ADRA1B: variants seen among roughly 807,000 people sequenced by gnomAD.
ADRA1B encodes adrenoceptor alpha 1B, also known as alpha-1B adrenergic receptor.
A neutral mutation model predicts 17.9 loss-of-function variants in ADRA1B; 17 were observed. That is an observed-to-expected ratio of 0.95 (90% CI 0.65 to 1.42). ADRA1B has a LOEUF of 1.42. Among genes scored for constraint, ADRA1B ranks in the 40% most tolerant of loss-of-function variants. The pLI, the probability that ADRA1B is intolerant of heterozygous loss-of-function variation, is 0.00. For synonymous variants in ADRA1B, 366 were observed against 327.6 expected (o/e 1.12, Z -1.27); for missense variants, 681 against 722.1 (o/e 0.94, Z 0.65).
intron 1 of ADRA1B, among the ~76,000 whole-genome samples, chr5:159,918,975 A>G (rs1462759158): frequency 2.0e-5 from 3 of 152,174 alleles, no homozygotes; most frequent in Non-Finnish European, 4.4e-5. Context: ...TATGCCTGCA[A>G]TCACACCGGA....
the ADRA1B span, among the ~76,000 whole-genome samples, chr5:159,984,770 A>C: frequency 6.6e-6 from 1 of 151,616 alleles, no homozygotes; most frequent in Non-Finnish European, 1.5e-5. Context: ...TTAGCCAGGC[A>C]TGGTGGCGAG....
At chr5:159,883,279 C>A (rs1176625019) in intron 1 of ADRA1B, among the ~76,000 whole-genome samples, 1 of 152,192 alleles carries the variant, frequency 6.6e-6, no homozygotes, top group Non-Finnish European at 1.5e-5. Context: ...TGCAGTCTGG[C>A]ACGATGATTC....
intron 1 of ADRA1B, among the ~76,000 whole-genome samples, chr5:159,874,971 T>C (rs1753787714): frequency 6.6e-6 from 1 of 152,136 alleles, no homozygotes; most frequent in Non-Finnish European, 1.5e-5. Flanking sequence ...TGAGAATTCG[T>C]GCTCCTAGAC....
intron 1 of ADRA1B, chr5:159,870,620 G>T (rs1753725907): frequency 6.6e-6 from 1 of 152,210 alleles, no homozygotes; most frequent in South Asian, 2.1e-4. Context: ...GAATTTTGAA[G>T]AAGTTAGAAA....
chr5:159,907,380 G>T (rs1013163382), intron 1 of ADRA1B, among the ~76,000 whole-genome samples: 4 of 152,212 alleles, frequency 2.6e-5, no homozygotes, highest in Non-Finnish European at 5.9e-5. Context: ...GTATTAGAAT[G>T]AGATAATTCA....
intron 1 of ADRA1B, among the ~76,000 whole-genome samples, chr5:159,937,204 A>G (rs989715680): frequency 1.2e-4 from 18 of 152,338 alleles, no homozygotes; most frequent in Admixed American, 6.5e-4. Context: ...CTCCAACACC[A>G]GCTCAGATGT....
intron 1 of ADRA1B, among the ~76,000 whole-genome samples, chr5:159,879,005 C>T (rs1022855819): frequency 2.0e-5 from 3 of 152,140 alleles, no homozygotes; most frequent in Admixed American, 2.0e-4. Context: ...TACATCCTCA[C>T]CCCGGCCCTG....
At chr5:159,971,155 C>A (rs1320338819) in intron 1 of ADRA1B, among the ~76,000 whole-genome samples, 1 of 152,150 alleles carries the variant, frequency 6.6e-6, no homozygotes, top group African/African-American at 2.4e-5. Context: ...TTCATATGTT[C>A]ATTAGCCCTT....
At chr5:159,866,784 T>C (rs1753659693) in intron 1 of ADRA1B, 1 of 151,988 alleles carries the variant, frequency 6.6e-6, no homozygotes, top group Admixed American at 6.6e-5. Context: ...GTCTCCAAAG[T>C]CTAAGTTCAG....
Position 159,971,840 on chromosome 5 carries a change from CTG to C in ADRA1B, c.950-37_950-36del, listed in dbSNP as rs745890524. On this transcript the variant is annotated intron_variant, in intron 1 of 1. Coordinates refer to ENST00000306675, the MANE Select transcript of ADRA1B (RefSeq NM_000679.4). Reference sequence around the variant, plus strand: ...CGAGAGCTTGACTACTCACAAATTGCTGTCTTTCTGCCCGTGCCCACCCCCCT... The same window carrying C: ...CGAGAGCTTGACTACTCACAAATTGCTCTTTCTGCCCGTGCCCACCCCCCT... The C allele has an allele frequency of 3.1e-6, 4 of 1,308,490 alleles. No individual in the cohort carries two copies. In the East Asian group the frequency reaches 1.1e-4, roughly 37 times the overall value. The allele number at this position is 1,308,490 out of a possible 1,614,324, so 81.1% of individuals were successfully genotyped here.
At chr5:159,899,568 A>G (rs1450948001) in intron 1 of ADRA1B, among the ~76,000 whole-genome samples, 2 of 152,212 alleles carry the variant, frequency 1.3e-5, no homozygotes, top group African/African-American at 4.8e-5. Context: ...GTATGCCCAT[A>G]CTGACAGTGC....
At chr5:159,935,211 A>G (rs1287695910) in intron 1 of ADRA1B, among the ~76,000 whole-genome samples, 1 of 152,198 alleles carries the variant, frequency 6.6e-6, no homozygotes, top group Non-Finnish European at 1.5e-5. Flanking sequence ...GTAAAAAGCT[A>G]AAGTTTTTTT....
chr5:159,927,244 G>C (rs1399336514), intron 1 of ADRA1B, among the ~76,000 whole-genome samples: 4 of 152,176 alleles, frequency 2.6e-5, no homozygotes, highest in Non-Finnish European at 5.9e-5. Flanking sequence ...ACCTCTGAGA[G>C]GGATATGGTC....
In ADRA1B at chr5:159,917,229, C is replaced by G; in HGVS notation, c.324C>G (p.Leu108=). ...CCTTCTCAGCGGCCCTAGAGGTGCT[C>G]GGCTACTGGGTGCTGGGGCGGATCT... is the stretch of plus-strand genomic sequence containing the variant. ...VLPFSAALEV[L]GYWVLGRIFC... is the part of the protein sequence containing the mutation. The change falls in exon 1 of 2, where the codon CTC becomes CTG. Residue 108 remains leucine (L), a synonymous_variant. Coordinates refer to ENST00000306675, the MANE Select transcript of ADRA1B (RefSeq NM_000679.4). 4 of 1,614,134 alleles carry G rather than the reference C, an allele frequency of 2.5e-6. No individual in the cohort carries two copies. The highest frequency in any genetic ancestry group is 3.4e-6 in the Non-Finnish European group (4 of 1,180,038).
chr5:159,950,882 G>A (rs1755420861), intron 1 of ADRA1B: 21 of 586,128 alleles, frequency 3.6e-5, no homozygotes, highest in South Asian at 3.1e-4. Context: ...AGAGGCAGGG[G>A]TGATGTTCTG....
At chr5:159,966,869 A>G (rs1312634396) in intron 1 of ADRA1B, among the ~76,000 whole-genome samples, 1 of 152,250 alleles carries the variant, frequency 6.6e-6, no homozygotes, top group Admixed American at 6.5e-5. Flanking sequence ...GAAATCACCT[A>G]TAGAGAAGGC....
chr5:159,887,908 A>G (rs1753943233), intron 1 of ADRA1B: 1 of 152,154 alleles, frequency 6.6e-6, no homozygotes, highest in Non-Finnish European at 1.5e-5. Context: ...AGTACACAGA[A>G]TTCTAGAATG....
intron 1 of ADRA1B, among the ~76,000 whole-genome samples, chr5:159,906,085 C>A (rs1357363585): frequency 6.6e-6 from 1 of 152,154 alleles, no homozygotes; most frequent in African/African-American, 2.4e-5. Context: ...GAACTCCTGA[C>A]CTCAGGTGAT....
chr5:159,957,477 T>C (rs1468829501), intron 1 of ADRA1B, among the ~76,000 whole-genome samples: 1 of 147,434 alleles, frequency 6.8e-6, no homozygotes, highest in Admixed American at 6.9e-5. Flanking sequence ...TGCGCTCCAA[T>C]CTGGGCAATA....
Sources: allele counts gnomAD v4.1 joint callset (sites outside exome capture counted in the v4.1 genomes callset), GRCh38; gene constraint gnomAD v4.1.1; transcripts MANE v1.5; gene names NCBI Gene and HGNC (gene_info 2026-07-23, HGNC 2026-07-21).